The following ZBTB20 variants were observed in gnomAD, a reference collection of about 807,000 sequenced individuals.
The protein encoded by ZBTB20 is zinc finger and BTB domain-containing protein 20.
In ZBTB20, 9 loss-of-function variants were observed where a neutral mutation model predicts 56.9. The observed-to-expected ratio is 0.16, with a 90% confidence interval of 0.10 to 0.28. The LOEUF is 0.28. Among genes scored for constraint, ZBTB20 ranks in the 10% least tolerant of loss-of-function variants. ZBTB20 has a pLI of 1.00. For synonymous variants in ZBTB20, 417 were observed against 420.7 expected (o/e 0.99, Z 0.11); for missense variants, 655 against 1,003.0 (o/e 0.65, Z 4.69).
intron 7 of ZBTB20, among the ~76,000 whole-genome samples, chr3:114,391,832 C>G (rs990592700): frequency 6.6e-6 from 1 of 152,158 alleles, no homozygotes; most frequent in Non-Finnish European, 1.5e-5. Context: ...TTGTTAGTGG[C>G]TGGGCAAGGA....
At position 114,350,788 on chromosome 3, in the gene ZBTB20, A is replaced by G; in HGVS notation, c.1290T>C (p.Ala430=). The G allele has an allele frequency of 6.2e-7, 1 of 1,614,062 alleles. No individual in the cohort carries two copies. Among genetic ancestry groups the G allele is most frequent in the East Asian group, 2.2e-5 (1 of 44,836 alleles). Reference sequence around the variant, plus strand: ...CTTCATTGCTTCTCTCCGGAGAGGAAGCACCTGTTTCTAGCTGGTTTGTCT... The same window carrying G: ...CTTCATTGCTTCTCTCCGGAGAGGAGGCACCTGTTTCTAGCTGGTTTGTCT... ...GPQTNQLETG[A]SSPERSNEVE... Residue 430 remains alanine (A), a synonymous_variant, in exon 11 of 12, where the codon GCT becomes GCC. Transcript: ENST00000675478.
intron 4 of ZBTB20, among the ~76,000 whole-genome samples, chr3:114,833,231 T>A (rs1038673122): frequency 2.0e-5 from 3 of 152,200 alleles, no homozygotes; most frequent in African/African-American, 7.2e-5. Context: ...TGCCGAATAC[T>A]AACATTGCTA....
intron 6 of ZBTB20, among the ~76,000 whole-genome samples, chr3:114,613,632 C>G (rs1471327128): frequency 1.3e-5 from 2 of 152,080 alleles, no homozygotes; most frequent in Non-Finnish European, 2.9e-5. Context: ...AAACTCAGTA[C>G]CAAGCTCACT....
chr3:114,924,269 C>T lies in ZBTB20; in HGVS notation c.-455-23927G>A, dbSNP rs945415435. 3.9e-5 allele frequency among the ~76,000 whole-genome samples: 6 copies of T among 152,240 alleles called. No individual in the cohort carries two copies. In the South Asian group the frequency reaches 1.2e-3, roughly 32 times the overall value. On this transcript the variant is annotated intron_variant, in intron 3 of 11. Coordinates refer to ENST00000675478, the MANE Select transcript of ZBTB20 (RefSeq NM_001348800.3). ...ATCTGTACCCTCATAATTATTGCAGCATTATTCATAATACCCAAAAGATGG... is the reference window on the plus strand; with the variant it reads ...ATCTGTACCCTCATAATTATTGCAGTATTATTCATAATACCCAAAAGATGG...
intron 3 of ZBTB20, among the ~76,000 whole-genome samples, chr3:114,968,020 T>G (rs1027347591): frequency 6.6e-6 from 1 of 152,064 alleles, no homozygotes; most frequent in Non-Finnish European, 1.5e-5. Flanking sequence ...GATCTTAGTG[T>G]TAACTCACAA....
chr3:114,859,580 T>G (rs2075416988), intron 4 of ZBTB20, among the ~76,000 whole-genome samples: 1 of 151,050 alleles, frequency 6.6e-6, no homozygotes, highest in South Asian at 2.1e-4. Context: ...GCGTTTTTTT[T>G]TTTTTTTTTT....
At position 114,539,794 on chromosome 3, in the gene ZBTB20, T is replaced by C. The variant is rs967321548; in HGVS notation, c.-294-39403A>G. The stretch of plus-strand genomic sequence containing the variant: ...TGAGCTGCTCGAGAAAAATGATTCA[T>C]CCATCTTTGTATCTCTAGACCCAAG... On this transcript the variant is annotated intron_variant, in intron 6 of 11. Transcript: ENST00000675478. 2.6e-5 allele frequency among the ~76,000 whole-genome samples: 4 copies of C among 152,210 alleles called. No individual in the cohort carries two copies. In the South Asian group the frequency reaches 6.2e-4, roughly 24 times the overall value.
chr3:115,048,886 T>G (rs1053197458), intron 2 of ZBTB20, among the ~76,000 whole-genome samples: 1 of 152,212 alleles, frequency 6.6e-6, no homozygotes, highest in African/African-American at 2.4e-5. Context: ...AAAGGATTTA[T>G]ACCAATCCAT....
intron 6 of ZBTB20, among the ~76,000 whole-genome samples, chr3:114,585,839 A>G (rs1322416178): frequency 6.6e-6 from 1 of 152,218 alleles, no homozygotes; most frequent in Non-Finnish European, 1.5e-5. Context: ...ATAGTCAAAC[A>G]TTTCTCTGAC....
At chr3:114,931,420 A>G (rs1576357428) in intron 3 of ZBTB20, 1 of 218,614 alleles carries the variant, frequency 4.6e-6, no homozygotes, top group East Asian at 1.4e-4. Context: ...TCCACCAGTC[A>G]AGAATTCTGC....
intron 10 of ZBTB20, chr3:114,366,835 G>A (rs994218107): frequency 5.9e-5 from 9 of 152,218 alleles, no homozygotes; most frequent in African/African-American, 2.2e-4. Context: ...AATTTCTTAA[G>A]ATTACACTTT....
At chr3:114,711,689 C>T (rs2064095202) in intron 5 of ZBTB20, among the ~76,000 whole-genome samples, 1 of 152,174 alleles carries the variant, frequency 6.6e-6, no homozygotes, top group South Asian at 2.1e-4. Flanking sequence ...TTGATGAACC[C>T]TCAATCTGGA....
chr3:114,872,615 T>G (rs535794374), intron 4 of ZBTB20, among the ~76,000 whole-genome samples: 9 of 151,096 alleles, frequency 6.0e-5, no homozygotes, highest in Admixed American at 1.3e-4. Context: ...GTAACAAGAG[T>G]CATGAAGCCT....
At chr3:115,053,122 A>C (rs148661313) in intron 2 of ZBTB20, among the ~76,000 whole-genome samples, 219 of 152,310 alleles carry the variant, frequency 1.4e-3, no homozygotes, top group Admixed American at 4.8e-3. Flanking sequence ...AACCACAGAT[A>C]AAGAAGTACA....
At chr3:114,717,257 G>A (rs2064550127) in intron 5 of ZBTB20, among the ~76,000 whole-genome samples, 1 of 152,134 alleles carries the variant, frequency 6.6e-6, no homozygotes, top group Non-Finnish European at 1.5e-5. Context: ...CTACTAGAGA[G>A]AGGTTTATGA....
rs755775653 is a variant in ZBTB20, at chr3:114,961,204, GT to G, written c.-456+13161del. ...AGATTCAGTATTACCCACCATACTCGTTTTTTTTTTTTAACCATAATTCCTA... is the reference window on the plus strand; with the variant it reads ...AGATTCAGTATTACCCACCATACTCGTTTTTTTTTTTAACCATAATTCCTA... On this transcript the variant is annotated intron_variant, in intron 3 of 11. Coordinates refer to ENST00000675478, the MANE Select transcript of ZBTB20 (RefSeq NM_001348800.3). Among the ~76,000 whole-genome samples the G allele has an allele frequency of 5.1e-3, 734 of 142,922 alleles. 4 individuals are homozygous for G. The highest frequency in any genetic ancestry group is 6.1e-3 in the Non-Finnish European group (398 of 65,154). 93.8% of individuals were successfully genotyped at this position (142,922 alleles called of 152,430 possible).
intron 4 of ZBTB20, among the ~76,000 whole-genome samples, chr3:114,885,340 A>C (rs1276158182): frequency 6.6e-6 from 1 of 152,082 alleles, no homozygotes; most frequent in African/African-American, 2.4e-5. Context: ...CTTATAATTC[A>C]AACTTTATTT....
intron 2 of ZBTB20, among the ~76,000 whole-genome samples, chr3:114,998,538 T>C (rs2079118307): frequency 6.6e-6 from 1 of 151,714 alleles, no homozygotes; most frequent in South Asian, 2.1e-4. Flanking sequence ...AGAAGAGGCA[T>C]TAGAATATTA....
chr3:115,017,614 C>G (rs2080026071), intron 2 of ZBTB20, among the ~76,000 whole-genome samples: 1 of 151,216 alleles, frequency 6.6e-6, no homozygotes, highest in Non-Finnish European at 1.5e-5. Context: ...ATTGAACTAC[C>G]TATTGAGGAA....
Sources: allele counts gnomAD v4.1 joint callset (sites outside exome capture counted in the v4.1 genomes callset), GRCh38; gene constraint gnomAD v4.1.1; transcripts MANE v1.5; gene names NCBI Gene and HGNC (gene_info 2026-07-23, HGNC 2026-07-21).